MCC: variants seen among roughly 807,000 people sequenced by gnomAD.
MCC encodes the protein MCC regulator of Wnt signaling pathway.
Under a neutral mutation model 116.2 loss-of-function variants are expected in MCC, and 90 were observed. That is an observed-to-expected ratio of 0.77 (90% confidence interval 0.65 to 0.92). MCC has a LOEUF of 0.92. Among genes scored for constraint, MCC ranks in the 40% least tolerant of loss-of-function variants. The pLI is 0.00. For synonymous variants in MCC, 578 were observed against 510.5 expected (o/e 1.13, Z -1.78); for missense variants, 1,516 against 1,312.2 (o/e 1.16, Z -2.40).
At chr5:113,269,474 T>A (rs962836321) in intron 3 of MCC, among the ~76,000 whole-genome samples, 2 of 152,208 alleles carry the variant, frequency 1.3e-5, no homozygotes, top group Admixed American at 1.3e-4. Context: ...AAACAAATGA[T>A]TAAATTGTGG....
chr5:113,475,881 AAGCTATGT>A (rs1772222880), intron 1 of MCC, among the ~76,000 whole-genome samples: 3 of 152,172 alleles, frequency 2.0e-5, no homozygotes, highest in African/African-American at 7.2e-5. Context: ...TACCCTCAAG[AAGCTATGT>A]TACCTTAGCT....
At chr5:113,294,401 G>A (rs776366803) in intron 3 of MCC, 3 of 1,613,330 alleles carry the variant, frequency 1.9e-6, no homozygotes, top group Non-Finnish European at 1.7e-6. Flanking sequence ...ACTTTTCAGA[G>A]CTGGGCTCTC....
intron 3 of MCC, chr5:113,294,657 G>T (rs1766652526): frequency 1.7e-5 from 18 of 1,083,542 alleles, no homozygotes; most frequent in Non-Finnish European, 2.0e-5. Flanking sequence ...CCCGCGCGGG[G>T]ACCCTCCCGC....
At chr5:113,294,449 C>T in intron 3 of MCC, 1 of 1,610,064 alleles carries the variant, frequency 6.2e-7, no homozygotes, top group Non-Finnish European at 8.5e-7. Flanking sequence ...TTGGACTTCA[C>T]AGGCTCAATA....
At chr5:113,043,818 G>C (rs191728258) in intron 16 of MCC, among the ~76,000 whole-genome samples, 188 bp from the exon 17 acceptor site, 3 of 152,244 alleles carry the variant, frequency 2.0e-5, no homozygotes, top group Admixed American at 1.3e-4. Flanking sequence ...CTCCCAGACC[G>C]CTGGCTCCTT....
At chr5:113,246,497 G>A (rs1267085531) in intron 3 of MCC, among the ~76,000 whole-genome samples, 1 of 152,200 alleles carries the variant, frequency 6.6e-6, no homozygotes, top group East Asian at 1.9e-4. Context: ...AGGAGAGAAG[G>A]AATGGCTTAA....
chr5:113,346,169 G>A (rs1768126940), intron 2 of MCC, among the ~76,000 whole-genome samples: 1 of 152,122 alleles, frequency 6.6e-6, no homozygotes, highest in South Asian at 2.1e-4. Flanking sequence ...CACAAGCACA[G>A]TCAGAGGAGA....
intron 1 of MCC, among the ~76,000 whole-genome samples, chr5:113,409,376 G>T (rs1031077287): frequency 6.6e-6 from 1 of 151,744 alleles, no homozygotes; most frequent in African/African-American, 2.4e-5. Context: ...TTTTTAGACA[G>T]GGTCTTGCTC....
In MCC at chr5:113,034,463, TAG is replaced by T. The variant is rs142515976; in HGVS notation, c.2757-5409_2757-5408del. On this transcript the variant is annotated intron_variant, in intron 17 of 18. Transcript: ENST00000408903. ...AAGGCCAGCAGCGGTACTCTGTGAT[TAG>T]AGTCCAATTGAGGAGCTGCAGGAGT... is the stretch of plus-strand genomic sequence containing the variant. 7.2e-3 allele frequency among the ~76,000 whole-genome samples: 1,097 copies of T among 152,258 alleles called. 10 individuals carry two copies. The highest frequency in any genetic ancestry group is 0.025 in the African/African-American group (1,032 of 41,562).
rs117816789 is a variant in MCC at position 113,112,016 on chromosome 5, C to G, written c.1028-7661G>C. ...AACAAGCCCTGTAAAAATCCTAACT[C>G]AAATAAAGGGCAGCTCCAACAGGTG... On this transcript the variant is annotated intron_variant, in intron 6 of 18. Coordinates refer to ENST00000408903, the MANE Select transcript of MCC (RefSeq NM_001085377.2). Among the ~76,000 whole-genome samples the G allele has an allele frequency of 1.8e-4, 27 of 152,266 alleles. No homozygotes were observed. The East Asian group carries it at 5.2e-3, about 29-fold the overall frequency.
chr5:113,465,378 AT>A (rs1771873390), intron 1 of MCC, among the ~76,000 whole-genome samples: 1 of 152,112 alleles, frequency 6.6e-6, no homozygotes, highest in Non-Finnish European at 1.5e-5. Context: ...ATACACAAAA[AT>A]TCCTGAGGCA....
intron 16 of MCC, chr5:113,048,520 AAAAGCCCC>A (rs1752268264): frequency 6.5e-6 from 1 of 152,872 alleles, no homozygotes; most frequent in South Asian, 2.1e-4. Context: ...GGCATGTAAT[AAAAGCCCC>A]AAAGTGCAAC....
intron 3 of MCC, among the ~76,000 whole-genome samples, chr5:113,316,655 A>C (rs1276553075): frequency 6.6e-6 from 1 of 152,234 alleles, no homozygotes; most frequent in Non-Finnish European, 1.5e-5. Context: ...ACAGGGATAT[A>C]AAAGTCAGGG....
chr5:113,077,210 G>A (rs534530802), intron 11 of MCC, among the ~76,000 whole-genome samples: 14 of 152,116 alleles, frequency 9.2e-5, no homozygotes, highest in African/African-American at 3.4e-4. Context: ...TAATAATGGA[G>A]ACTTTAACAC....
intron 17 of MCC, among the ~76,000 whole-genome samples, chr5:113,033,857 TA>T (rs1751132285): frequency 6.6e-6 from 1 of 152,174 alleles, no homozygotes; most frequent in African/African-American, 2.4e-5. Flanking sequence ...TTCCTGGTGA[TA>T]AAAGGTCGTA....
chr5:113,302,708 A>G (rs1248238934), intron 3 of MCC, among the ~76,000 whole-genome samples: 1 of 152,198 alleles, frequency 6.6e-6, no homozygotes, highest in Admixed American at 6.5e-5. Context: ...AACTGTAATG[A>G]TGAATTGATA....
At chr5:113,255,186 A>T (rs1437139862) in intron 3 of MCC, among the ~76,000 whole-genome samples, 1 of 152,026 alleles carries the variant, frequency 6.6e-6, no homozygotes, top group Non-Finnish European at 1.5e-5. Flanking sequence ...AACAAACAAA[A>T]ATAAGAGCTA....
intron 1 of MCC, among the ~76,000 whole-genome samples, chr5:113,416,666 G>A (rs1318237775): frequency 6.6e-6 from 1 of 152,072 alleles, no homozygotes; most frequent in Non-Finnish European, 1.5e-5. Context: ...AGATGCCCTT[G>A]GACAGTTAGA....
chr5:113,173,601 A>C (rs759689142), intron 3 of MCC, among the ~76,000 whole-genome samples: 18 of 152,238 alleles, frequency 1.2e-4, no homozygotes, highest in South Asian at 2.1e-4. Context: ...AATCATGTGC[A>C]TGACTGAATC....
Sources: allele counts gnomAD v4.1 joint callset (sites outside exome capture counted in the v4.1 genomes callset), GRCh38; gene constraint gnomAD v4.1.1; transcripts MANE v1.5; gene names NCBI Gene and HGNC (gene_info 2026-07-23, HGNC 2026-07-21).